PLSCR2: variants seen among roughly 807,000 people sequenced by gnomAD.
The protein encoded by PLSCR2 is phospholipid scramblase 2, also known as PL scramblase 2.
In PLSCR2, 18 loss-of-function variants were observed where a neutral mutation model predicts 25.3. The observed-to-expected ratio is 0.71, with a 90% CI of 0.49 to 1.06. The LOEUF (loss-of-function observed/expected upper bound fraction) is 1.06, where lower values mean the gene tolerates loss of function less well. PLSCR2 is among the 50% of genes least tolerant of loss of function. The pLI, the probability that PLSCR2 is intolerant of heterozygous loss-of-function variation, is 0.00. For synonymous variants in PLSCR2, 88 were observed against 87.3 expected, an observed-to-expected ratio of 1.01 and a Z score of -0.04; for missense variants, 243 against 269.5, an observed-to-expected ratio of 0.90 and a Z score of 0.69.
intron 8 of PLSCR2, among the ~76,000 whole-genome samples, chr3:146,434,560 T>A (rs1029604091): frequency 6.6e-6 from 1 of 152,058 alleles, no homozygotes; most frequent in African/African-American, 2.4e-5. Context: ...ATATATGATA[T>A]AATTTTGCCC....
chr3:146,484,769 C>G (rs1026742020), intron 1 of PLSCR2, among the ~76,000 whole-genome samples: 1 of 152,016 alleles, frequency 6.6e-6, no homozygotes, highest in African/African-American at 2.4e-5. Flanking sequence ...CAGTCCTGCC[C>G]TGCAAGAGTT....
At chr3:146,447,994 A>G (rs768165040) in intron 6 of PLSCR2, among the ~76,000 whole-genome samples, 1 of 152,058 alleles carries the variant, frequency 6.6e-6, no homozygotes, top group Admixed American at 6.5e-5. Flanking sequence ...TCCCACAATC[A>G]CTGTGTTCTC....
chr3:146,443,145 TG>T (rs1254323911), intron 6 of PLSCR2, among the ~76,000 whole-genome samples: 1 of 152,122 alleles, frequency 6.6e-6, no homozygotes, highest in African/African-American at 2.4e-5. Flanking sequence ...ATTATCTTTT[TG>T]ATGTATTGTT....
At chr3:146,487,468 T>G (rs1213457749) in intron 1 of PLSCR2, among the ~76,000 whole-genome samples, 1 of 152,074 alleles carries the variant, frequency 6.6e-6, no homozygotes, top group Non-Finnish European at 1.5e-5. Context: ...TTCAGCAAAA[T>G]TTCAGGATAC....
chr3:146,409,715 C>T (rs1183677578), intron 2 of PLSCR2, among the ~76,000 whole-genome samples: 2 of 152,068 alleles, frequency 1.3e-5, no homozygotes, highest in Non-Finnish European at 2.9e-5. Context: ...CTGTAGCATA[C>T]ATTGGAGAGG....
rs1560054881 is a variant in PLSCR2 at position 146,483,467 on chromosome 3, ATATATACATGTG to A, written c.-293+12416_-293+12427del. 4.8e-4 allele frequency among the ~76,000 whole-genome samples: 27 copies of A among 56,114 alleles called. 2 individuals carry two copies. The highest frequency in any genetic ancestry group is 1.9e-3 in the African/African-American group (23 of 11,878). 36.8% of individuals were successfully genotyped at this position (56,114 alleles called of 152,430 possible). Reference sequence around the variant, plus strand: ...TACACATGTATGTATATATATATATATATATACATGTGTATATATATATATATATATATATAT... The same window carrying A: ...TACACATGTATGTATATATATATATATATATATATATATATATATATATAT... On this transcript the variant is annotated intron_variant, in intron 1 of 8. Transcript: ENST00000336685.
At chr3:146,473,169 C>T (rs939711874) in intron 1 of PLSCR2, among the ~76,000 whole-genome samples, 4 of 152,056 alleles carry the variant, frequency 2.6e-5, no homozygotes, top group Admixed American at 1.3e-4. Context: ...TTCATATTCT[C>T]AAATTTGTTG....
chr3:146,495,874 AAACTAC>A, intron 1 of PLSCR2: 1 of 1,529,908 alleles, frequency 6.5e-7, no homozygotes. Context: ...TAGTCTCTGG[AAACTAC>A]ATGTCATTGG....
chr3:146,492,604 C>T (rs1483782252), intron 1 of PLSCR2, among the ~76,000 whole-genome samples: 1 of 151,622 alleles, frequency 6.6e-6, no homozygotes, highest in Non-Finnish European at 1.5e-5. Flanking sequence ...CTAATGAAAA[C>T]AAAGATAAAA....
At chr3:146,405,501 A>G (rs906752545) in intron 2 of PLSCR2, among the ~76,000 whole-genome samples, 1 of 152,112 alleles carries the variant, frequency 6.6e-6, no homozygotes, top group Non-Finnish European at 1.5e-5. Flanking sequence ...ACAAGGCTAG[A>G]TGATTAAAGG....
At chr3:146,446,783 T>TGTC (rs1018421272) in intron 6 of PLSCR2, among the ~76,000 whole-genome samples, 6 of 152,170 alleles carry the variant, frequency 3.9e-5, no homozygotes, top group African/African-American at 1.4e-4. Context: ...CCAGAGATAC[T>TGTC]GTCCAGGAGC....
In PLSCR2 at chr3:146,479,793, GCAC is replaced by G. The variant is rs1457438134; in HGVS notation, c.-293+16099_-293+16101del. On this transcript the variant is annotated intron_variant, in intron 1 of 8. Coordinates refer to the PLSCR2 transcript ENST00000336685. ...ATCAGTAGAATATACATTCTTCTCAGCACCACATTGCACTTATTCTAAAATTGA... is the reference window on the plus strand; with the variant it reads ...ATCAGTAGAATATACATTCTTCTCAGCACATTGCACTTATTCTAAAATTGA... Among the ~76,000 whole-genome samples, 8 of 152,142 alleles carry G rather than the reference GCAC, an allele frequency of 5.3e-5. No individual in the cohort carries two copies. The East Asian group carries it at 7.7e-4, about 15-fold the overall frequency.
chr3:146,429,751 G>A (rs182111102), downstream of PLSCR2, among the ~76,000 whole-genome samples: 266 of 151,912 alleles, frequency 1.8e-3, 2 homozygotes, highest in African/African-American at 6.2e-3. Flanking sequence ...TCAGCCTCCC[G>A]AGTAGCTGGG....
intron 5 of PLSCR2, 95 bp from the exon 6 acceptor site, chr3:146,449,462 T>C (rs3765179): frequency 0.062 from 48,698 of 784,592 alleles, 1,869 homozygotes; most frequent in African/African-American, 0.13. Flanking sequence ...AATATTATAG[T>C]ACATTTATGC....
chr3:146,469,357 C>T, intron 1 of PLSCR2, 138 bp downstream of exon 1: 1 of 971,338 alleles, frequency 1.0e-6, no homozygotes, highest in Non-Finnish European at 1.2e-6. Context: ...CGTTCCACTT[C>T]AGGTGTCGCT....
At chr3:146,414,591 G>A (rs897029739) in intron 2 of PLSCR2, among the ~76,000 whole-genome samples, 2 of 118,342 alleles carry the variant, frequency 1.7e-5, no homozygotes, top group Non-Finnish European at 3.7e-5. Flanking sequence ...GAAAGGCAAT[G>A]ATAGTATTTT....
chr3:146,411,321 C>T (rs1016027975), intron 2 of PLSCR2, among the ~76,000 whole-genome samples: 3 of 152,126 alleles, frequency 2.0e-5, no homozygotes, highest in African/African-American at 7.2e-5. Flanking sequence ...GAGTAAGGGG[C>T]TGAGTCAAAA....
At chr3:146,456,132 G>A (rs943952686) in intron 3 of PLSCR2, among the ~76,000 whole-genome samples, 3 of 152,272 alleles carry the variant, frequency 2.0e-5, no homozygotes, top group Non-Finnish European at 4.4e-5. Flanking sequence ...TCTAGACCAC[G>A]AGCATCCTAA....
intron 2 of PLSCR2, among the ~76,000 whole-genome samples, chr3:146,406,037 A>G (rs959699271): frequency 1.3e-5 from 2 of 152,134 alleles, no homozygotes; most frequent in African/African-American, 4.8e-5. Flanking sequence ...AAATCTTGGG[A>G]TATAAAATCT....
Sources: gnomAD v4.1 joint callset for allele counts (sites outside exome capture counted in the v4.1 genomes callset) on GRCh38, gnomAD v4.1.1 for gene constraint, MANE v1.5 for transcripts, NCBI Gene and HGNC (gene_info 2026-07-23, HGNC 2026-07-21) for gene names.